Variants in ATG4C observed in about 807,000 individuals in gnomAD.
The protein encoded by ATG4C is autophagy related 4C cysteine peptidase, also known as cysteine protease ATG4C.
A neutral mutation model predicts 57.6 loss-of-function variants in ATG4C; 56 were observed. The observed-to-expected ratio is 0.97, with a 90% confidence interval of 0.78 to 1.21. ATG4C has a LOEUF of 1.21. Among genes scored for constraint, ATG4C ranks in the 50% most tolerant of loss-of-function variants. The pLI is 0.00. For synonymous variants in ATG4C, 157 were observed against 174.1 expected (o/e 0.90, Z 0.78); for missense variants, 595 against 529.8 (o/e 1.12, Z -1.21).
At chr1:62,825,829 A>C (rs1440303655) in intron 6 of ATG4C, among the ~76,000 whole-genome samples, 1 of 152,132 alleles carries the variant, frequency 6.6e-6, no homozygotes, top group Non-Finnish European at 1.5e-5. Context: ...AAAACCCTTC[A>C]AATCACCTGT....
At chr1:62,787,080 C>G (rs535343493) in intron 1 of ATG4C, among the ~76,000 whole-genome samples, 1 of 152,180 alleles carries the variant, frequency 6.6e-6, no homozygotes, top group East Asian at 1.9e-4. Context: ...CACCCTTCAC[C>G]GAGGTAGAGA....
At chr1:62,857,193 C>T (rs952046131) in intron 10 of ATG4C, among the ~76,000 whole-genome samples, 6 of 152,074 alleles carry the variant, frequency 3.9e-5, no homozygotes, top group East Asian at 1.9e-4. Context: ...AGGTGAGCGG[C>T]GGGTTAGCGA....
chr1:62,864,038 TA>T lies in ATG4C; in HGVS notation c.1259del (p.Asn420MetfsTer28). ...SKEKYPLFTF[V>X]NGHSRDYDFT... Reference sequence around the variant, plus strand: ...GAGAAATATCCCTTATTTACTTTTGTAAATGGTCATTCCAGAGACTATGATT... The same window carrying T: ...GAGAAATATCCCTTATTTACTTTTGTAATGGTCATTCCAGAGACTATGATT... On this transcript the variant is annotated frameshift_variant, in exon 11 of 11. Transcript: ENST00000317868. LOFTEE classifies it high-confidence loss of function. The T allele has an allele frequency of 6.3e-7, 1 of 1,588,012 alleles. No homozygotes were observed. Among genetic ancestry groups the T allele is most frequent in the African/African-American group, 1.4e-5 (1 of 73,298 alleles).
intron 1 of ATG4C, among the ~76,000 whole-genome samples, chr1:62,800,150 G>A (rs560126196): frequency 7.2e-5 from 11 of 152,206 alleles, no homozygotes; most frequent in Non-Finnish European, 1.3e-4. Flanking sequence ...TGGATGGCTG[G>A]TGATGAGAAC....
At chr1:62,813,951 C>T (rs1398884686) in intron 3 of ATG4C, among the ~76,000 whole-genome samples, 1 of 152,178 alleles carries the variant, frequency 6.6e-6, no homozygotes, top group Non-Finnish European at 1.5e-5. Flanking sequence ...ACAACAGATG[C>T]TGGAGAGGAT....
intron 3 of ATG4C, 102 bp from the exon 4 acceptor site, chr1:62,816,473 A>T: frequency 1.3e-6 from 1 of 757,452 alleles, no homozygotes; most frequent in Non-Finnish European, 1.9e-6. Flanking sequence ...AAAGGATTGG[A>T]AAGATTGTGA....
intron 10 of ATG4C, among the ~76,000 whole-genome samples, chr1:62,850,782 C>T (rs1666480619): frequency 6.7e-6 from 1 of 148,714 alleles, no homozygotes; most frequent in African/African-American, 2.5e-5. Context: ...TTATTTTTCT[C>T]CTTAGCACAT....
intron 1 of ATG4C, among the ~76,000 whole-genome samples, chr1:62,796,925 T>C (rs1447216728): frequency 6.6e-6 from 1 of 152,134 alleles, no homozygotes; most frequent in African/African-American, 2.4e-5. Context: ...CTGGCCAACA[T>C]GGTGAAACCC....
intron 10 of ATG4C, among the ~76,000 whole-genome samples, chr1:62,860,379 T>G (rs1312824382): frequency 6.6e-6 from 1 of 152,260 alleles, no homozygotes; most frequent in Non-Finnish European, 1.5e-5. Flanking sequence ...TATCAAATAT[T>G]ATGTACTGTA....
intron 9 of ATG4C, among the ~76,000 whole-genome samples, chr1:62,840,376 T>C (rs893536953): frequency 6.6e-5 from 10 of 152,208 alleles, no homozygotes; most frequent in African/African-American, 2.4e-4. Flanking sequence ...CCCACACTTA[T>C]CTCCCATCTG....
At chr1:62,838,766 G>A (rs557257945) in intron 9 of ATG4C, among the ~76,000 whole-genome samples, 2 of 149,532 alleles carry the variant, frequency 1.3e-5, no homozygotes, top group Non-Finnish European at 3.0e-5. Flanking sequence ...GGCGACAAGA[G>A]TGAAACTTCA....
At chr1:62,813,659 G>C (rs1017481308) in intron 3 of ATG4C, among the ~76,000 whole-genome samples, 1 of 152,108 alleles carries the variant, frequency 6.6e-6, no homozygotes, top group Non-Finnish European at 1.5e-5. Context: ...AGAGTAAATA[G>C]GCAACCTATA....
At chr1:62,849,660 T>C (rs1021038499) in intron 10 of ATG4C, among the ~76,000 whole-genome samples, 1 of 152,044 alleles carries the variant, frequency 6.6e-6, no homozygotes, top group Non-Finnish European at 1.5e-5. Context: ...TACCGGTGCC[T>C]GCCACCACGC....
intron 8 of ATG4C, 40 bp from the exon 9 acceptor site, chr1:62,834,736 G>T (rs929091003): frequency 6.7e-7 from 1 of 1,499,030 alleles, no homozygotes; most frequent in Non-Finnish European, 9.3e-7. Context: ...TAATAATAAG[G>T]TGTTTTTTGA....
At chr1:62,863,084 A>G (rs992307328) in intron 10 of ATG4C, among the ~76,000 whole-genome samples, 2 of 152,036 alleles carry the variant, frequency 1.3e-5, no homozygotes, top group East Asian at 1.9e-4. Flanking sequence ...AAAATCATTA[A>G]AAGTTTTGAA....
chr1:62,850,975 G>A (rs1406717108), intron 10 of ATG4C, among the ~76,000 whole-genome samples: 2 of 147,120 alleles, frequency 1.4e-5, no homozygotes, highest in African/African-American at 5.0e-5. Context: ...TCTCAACAAG[G>A]GAAGGATTTT....
chr1:62,860,759 G>A (rs1666827438), intron 10 of ATG4C, among the ~76,000 whole-genome samples: 1 of 152,198 alleles, frequency 6.6e-6, no homozygotes. Context: ...CCTACATAGG[G>A]TATAGCTCTA....
chr1:62,803,557 A>G (rs1664754128), intron 1 of ATG4C, among the ~76,000 whole-genome samples, 162 bp from the exon 2 acceptor site: 2 of 151,764 alleles, frequency 1.3e-5, no homozygotes, highest in East Asian at 3.9e-4. Context: ...CTGTTTGTAA[A>G]ATGAGAAATT....
chr1:62,791,068 T>C (rs191047334), intron 1 of ATG4C, among the ~76,000 whole-genome samples: 139 of 152,370 alleles, frequency 9.1e-4, no homozygotes, highest in Admixed American at 2.7e-3. Flanking sequence ...CCTGTGATAT[T>C]ATTCATGTGT....
Sources: allele counts gnomAD v4.1 joint callset (sites outside exome capture counted in the v4.1 genomes callset), GRCh38; gene constraint gnomAD v4.1.1; transcripts MANE v1.5; gene names NCBI Gene and HGNC (gene_info 2026-07-23, HGNC 2026-07-21).